Variants in MCU observed in about 807,000 individuals in gnomAD.
The protein encoded by MCU is mitochondrial calcium uniporter.
A neutral mutation model predicts 45.2 loss-of-function variants in MCU; 12 were observed. The ratio of observed to expected loss-of-function variants is 0.27; its 90% CI spans 0.17 to 0.43. The LOEUF (loss-of-function observed/expected upper bound fraction) is 0.43. MCU is among the 20% of genes least tolerant of loss of function. The pLI is 1.00. For missense variants in MCU, 324 were observed against 436.7 expected (o/e 0.74, Z 2.30); for synonymous variants, 160 against 165.1 (o/e 0.97, Z 0.24).
chr10:72,695,619 A>C (rs1254185900), intron 1 of MCU, among the ~76,000 whole-genome samples: 1 of 152,082 alleles, frequency 6.6e-6, no homozygotes, highest in African/African-American at 2.4e-5. Context: ...TAACATTCGC[A>C]CTTTACACAT....
chr10:72,875,620 T>C (rs1181176686), intron 6 of MCU, among the ~76,000 whole-genome samples: 1 of 152,240 alleles, frequency 6.6e-6, no homozygotes, highest in South Asian at 2.1e-4. Context: ...GCATTTAAAC[T>C]CTTCTAAACT....
chr10:72,794,095 G>A (rs1844208646), intron 1 of MCU, among the ~76,000 whole-genome samples: 1 of 151,986 alleles, frequency 6.6e-6, no homozygotes, highest in East Asian at 1.9e-4. Context: ...ATTCTAGCAG[G>A]TGTTGTTAAA....
chr10:72,736,084 C>T (rs1273029149), intron 1 of MCU, among the ~76,000 whole-genome samples: 1 of 152,170 alleles, frequency 6.6e-6, no homozygotes, highest in African/African-American at 2.4e-5. Flanking sequence ...CAAATTAATA[C>T]TTTACAATTT....
At chr10:72,700,603 A>G (rs1183463211) in intron 1 of MCU, among the ~76,000 whole-genome samples, 1 of 152,242 alleles carries the variant, frequency 6.6e-6, no homozygotes, top group Non-Finnish European at 1.5e-5. Flanking sequence ...AACTGTGTAC[A>G]CACTTGAATC....
intron 1 of MCU, among the ~76,000 whole-genome samples, chr10:72,763,297 A>G (rs1364266466): frequency 6.6e-6 from 1 of 152,056 alleles, no homozygotes; most frequent in East Asian, 1.9e-4. Context: ...CACCTACCAT[A>G]CTAAGGAAAT....
intron 1 of MCU, among the ~76,000 whole-genome samples, chr10:72,829,751 A>G (rs1844852923): frequency 6.6e-6 from 1 of 152,122 alleles, no homozygotes; most frequent in Non-Finnish European, 1.5e-5. Context: ...TAGAATAGCA[A>G]TGGTTCTTTG....
At chr10:72,764,057 T>C (rs192031122) in intron 1 of MCU, among the ~76,000 whole-genome samples, 5 of 152,342 alleles carry the variant, frequency 3.3e-5, no homozygotes, top group Non-Finnish European at 5.9e-5. Context: ...TGAACTGTTA[T>C]ATTTTCCCTT....
At chr10:72,791,985 C>G (rs947954532) in intron 1 of MCU, among the ~76,000 whole-genome samples, 1 of 152,220 alleles carries the variant, frequency 6.6e-6, no homozygotes, top group African/African-American at 2.4e-5. Context: ...AGCTCTTCCA[C>G]TTCCTAGCTG....
At chr10:72,814,438 TA>T (rs1844594566) in intron 1 of MCU, among the ~76,000 whole-genome samples, 1 of 152,152 alleles carries the variant, frequency 6.6e-6, no homozygotes, top group South Asian at 2.1e-4. Flanking sequence ...ATCAAGCCTA[TA>T]ATTTTTTGCT....
intron 4 of MCU, among the ~76,000 whole-genome samples, chr10:72,861,270 C>T (rs189694562): frequency 6.6e-6 from 1 of 152,148 alleles, no homozygotes; most frequent in Non-Finnish European, 1.5e-5. Flanking sequence ...AAGCACTCCT[C>T]CCTCTCTGTC....
intron 1 of MCU, among the ~76,000 whole-genome samples, chr10:72,740,997 T>C (rs768606447): frequency 6.6e-6 from 1 of 152,190 alleles, no homozygotes; most frequent in Non-Finnish European, 1.5e-5. Context: ...ATGCATTTAT[T>C]TATATATTTA....
At chr10:72,840,433 C>T (rs918542787) in intron 2 of MCU, among the ~76,000 whole-genome samples, 7 of 151,962 alleles carry the variant, frequency 4.6e-5, no homozygotes, top group Non-Finnish European at 1.0e-4. Flanking sequence ...TAGAGTTTTT[C>T]TTGTGAGTTT....
chr10:72,834,098 T>G (rs770130305), intron 1 of MCU, among the ~76,000 whole-genome samples: 1 of 152,254 alleles, frequency 6.6e-6, no homozygotes, highest in African/African-American at 2.4e-5. Context: ...TAATTTTGTT[T>G]AATGTAACAT....
intron 1 of MCU, among the ~76,000 whole-genome samples, chr10:72,763,430 G>A (rs1392365118): frequency 1.3e-5 from 2 of 152,088 alleles, no homozygotes; most frequent in African/African-American, 2.4e-5. Flanking sequence ...TGTCAAATGA[G>A]TGAGGGAAAG....
chr10:72,754,656 G>A (rs980170042), intron 1 of MCU, among the ~76,000 whole-genome samples: 2 of 152,174 alleles, frequency 1.3e-5, no homozygotes, highest in Admixed American at 6.5e-5. Context: ...CAGAGACAGG[G>A]TTTCACCATG....
intron 1 of MCU, among the ~76,000 whole-genome samples, chr10:72,789,510 T>C (rs1052465268): frequency 6.6e-6 from 1 of 152,276 alleles, no homozygotes; most frequent in African/African-American, 2.4e-5. Context: ...CTAATCATCT[T>C]GTTTTCAACT....
intron 1 of MCU, among the ~76,000 whole-genome samples, chr10:72,710,299 T>C (rs773822654): frequency 6.6e-6 from 1 of 152,174 alleles, no homozygotes; most frequent in East Asian, 1.9e-4. Flanking sequence ...TTAATGATTC[T>C]AGAGCTTTTA....
chr10:72,760,031 A>T (rs1330678134), intron 1 of MCU, among the ~76,000 whole-genome samples: 3 of 137,236 alleles, frequency 2.2e-5, no homozygotes, highest in African/African-American at 8.8e-5. Context: ...TTATTTTTAA[A>T]TTCTGTAAAA....
chr10:72,776,572 A>G (rs1843897313), intron 1 of MCU, among the ~76,000 whole-genome samples: 2 of 152,202 alleles, frequency 1.3e-5, no homozygotes, highest in Non-Finnish European at 2.9e-5. Flanking sequence ...ATACCTCAAA[A>G]TAATAAAGGC....
Sources: gnomAD v4.1 joint callset for allele counts (sites outside exome capture counted in the v4.1 genomes callset) on GRCh38, gnomAD v4.1.1 for gene constraint, MANE v1.5 for transcripts, NCBI Gene and HGNC (gene_info 2026-07-23, HGNC 2026-07-21) for gene names.